The following BBS9 variants were observed in gnomAD, a reference collection of about 807,000 sequenced individuals.
The protein encoded by BBS9 is Bardet-Biedl syndrome 9.
Under a neutral mutation model 117.7 loss-of-function variants are expected in BBS9, and 89 were observed. That is an observed-to-expected ratio of 0.76 (90% CI 0.64 to 0.90). The LOEUF (loss-of-function observed/expected upper bound fraction) is 0.90. Ranked by LOEUF, BBS9 falls within the 40% of genes least tolerant of loss-of-function variation. The pLI is 0.00. For missense variants in BBS9, 982 were observed against 1,042.2 expected (o/e 0.94, Z 0.80); for synonymous variants, 379 against 370.9 (o/e 1.02, Z -0.25).
intron 21 of BBS9, among the ~76,000 whole-genome samples, chr7:33,569,638 T>C (rs143764803): frequency 0.021 from 3,144 of 150,776 alleles, 65 homozygotes; most frequent in South Asian, 0.1. Flanking sequence ...GGCTGGCGCC[T>C]ATAGTCCTAG....
At chr7:33,135,755 T>C (rs1790360510) in intron 1 of BBS9, among the ~76,000 whole-genome samples, 1 of 152,204 alleles carries the variant, frequency 6.6e-6, no homozygotes, top group Non-Finnish European at 1.5e-5. Flanking sequence ...ATTGAATCTG[T>C]AGATTGATTT....
chr7:33,623,179 C>T (rs140026723), intron 21 of BBS9, among the ~76,000 whole-genome samples: 2 of 152,108 alleles, frequency 1.3e-5, no homozygotes, highest in East Asian at 3.9e-4. Flanking sequence ...TTTAGAGTGT[C>T]TAAGGAACCT....
intron 21 of BBS9, among the ~76,000 whole-genome samples, chr7:33,562,927 GA>G (rs958282280): frequency 1.4e-5 from 2 of 147,710 alleles, no homozygotes; most frequent in Non-Finnish European, 3.0e-5. Flanking sequence ...CATCTCAAAA[GA>G]AAAAAAAAGA....
At position 33,605,192 on chromosome 7, in the gene BBS9, C is replaced by T. The variant is rs1422030068; in HGVS notation, c.2633-3C>T. The T allele has an allele frequency of 6.2e-7, 1 of 1,610,878 alleles. No individual in the cohort carries two copies. The highest frequency in any genetic ancestry group is 8.5e-7 in the Non-Finnish European group (1 of 1,177,402). On this transcript the variant is annotated splice_region_variant and splice_polypyrimidine_tract_variant and intron_variant, in intron 22 of 22. Coordinates refer to ENST00000242067, the MANE Select transcript of BBS9 (RefSeq NM_198428.3). ...CTTTCTCTCTTACTCTCTTTTTTTC[C>T]AGAAGTTTCACCCCTCCAAGGAGTC... is the stretch of plus-strand genomic sequence containing the variant.
At chr7:33,194,650 A>G (rs779288152) in intron 5 of BBS9, among the ~76,000 whole-genome samples, 2 of 152,128 alleles carry the variant, frequency 1.3e-5, no homozygotes, top group Non-Finnish European at 2.9e-5. Flanking sequence ...ATTTCATTGT[A>G]TTTGATGTGA....
intron 5 of BBS9, among the ~76,000 whole-genome samples, chr7:33,207,792 G>A (rs747949432): frequency 1.3e-5 from 2 of 151,632 alleles, no homozygotes; most frequent in South Asian, 4.2e-4. Flanking sequence ...ACATAAATGT[G>A]TACACTTACA....
At chr7:33,457,119 T>TA (rs1838766929) in intron 19 of BBS9, among the ~76,000 whole-genome samples, 1 of 152,200 alleles carries the variant, frequency 6.6e-6, no homozygotes, top group South Asian at 2.1e-4. Context: ...GTTTACCCTT[T>TA]TGCCCTCTTC....
At chr7:33,337,905 CT>C (rs1234827110) in intron 10 of BBS9, among the ~76,000 whole-genome samples, 1 of 151,786 alleles carries the variant, frequency 6.6e-6, no homozygotes, top group Non-Finnish European at 1.5e-5. Flanking sequence ...AGATTTTGCC[CT>C]TTCCATAGTA....
intron 9 of BBS9, 62 bp from the exon 10 acceptor site, chr7:33,336,379 T>C: frequency 7.7e-7 from 1 of 1,293,496 alleles, no homozygotes. Context: ...AAAAATGTAG[T>C]TGGTCAAGAC....
chr7:33,301,499 A>G (rs540920307), intron 9 of BBS9, among the ~76,000 whole-genome samples: 27 of 152,106 alleles, frequency 1.8e-4, no homozygotes, highest in Non-Finnish European at 3.2e-4. Context: ...AGCTCCCACA[A>G]ATAAGTGAGA....
chr7:33,351,150 A>C, intron 13 of BBS9, 69 bp from the exon 14 acceptor site: 1 of 1,057,342 alleles, frequency 9.5e-7, no homozygotes, highest in East Asian at 2.4e-5. Flanking sequence ...GTGCTTATTA[A>C]ATTTTAACTG....
At chr7:33,600,890 C>A (rs1863694143) in intron 21 of BBS9, among the ~76,000 whole-genome samples, 1 of 152,200 alleles carries the variant, frequency 6.6e-6, no homozygotes, top group Non-Finnish European at 1.5e-5. Flanking sequence ...TCTCTCAGTT[C>A]CGTCTCTTCA....
chr7:33,404,054 C>T lies in BBS9; in HGVS notation c.2115+15910C>T, dbSNP rs559803675. Reference sequence around the variant, plus strand: ...CTCATTGTGGTTTTGTTTGAGCTTTCTACATATGGCTAGCCAGTTTTCCCA... The same window carrying T: ...CTCATTGTGGTTTTGTTTGAGCTTTTTACATATGGCTAGCCAGTTTTCCCA... On this transcript the variant is annotated intron_variant, in intron 19 of 22. Coordinates refer to ENST00000242067, the MANE Select transcript of BBS9 (RefSeq NM_198428.3). Among the ~76,000 whole-genome samples the T allele has an allele frequency of 2.6e-5, 4 of 152,236 alleles. No individual in the cohort carries two copies. The South Asian group carries it at 8.3e-4, about 32-fold the overall frequency.
At position 33,174,310 on chromosome 7, in the gene BBS9, G is replaced by A. The variant is rs145198331; in HGVS notation, c.329-3168G>A. Among the ~76,000 whole-genome samples the A allele has an allele frequency of 2.6e-4, 40 of 152,302 alleles. No homozygotes were observed. In the East Asian group the frequency reaches 7.3e-3, roughly 28 times the overall value. ...CGCTCAGCTCTCCTGGGGGTTGTTA[G>A]AACCTCTACTTTGGATCCCACTTCT... On this transcript the variant is annotated intron_variant, in intron 4 of 22. Coordinates refer to ENST00000242067, the MANE Select transcript of BBS9 (RefSeq NM_198428.3).
At chr7:33,350,364 TG>T (rs35663737) in intron 13 of BBS9, among the ~76,000 whole-genome samples, 68,591 of 151,944 alleles carry the variant, frequency 0.45, 15,717 homozygotes, top group Admixed American at 0.53. Context: ...ATTGAACTTT[TG>T]CTTGCATTTC....
intron 17 of BBS9, among the ~76,000 whole-genome samples, chr7:33,381,635 T>C (rs1825055958): frequency 1.3e-5 from 2 of 152,306 alleles, no homozygotes; most frequent in South Asian, 4.1e-4. Context: ...TTTACAAAAG[T>C]AAATATTTGG....
chr7:33,613,676 C>T (rs1864991872), intron 21 of BBS9, among the ~76,000 whole-genome samples: 1 of 151,832 alleles, frequency 6.6e-6, no homozygotes, highest in Non-Finnish European at 1.5e-5. Flanking sequence ...TTGCAACATA[C>T]ACGAAAAAAA....
chr7:33,382,459 CAAAAA>C (rs113930733), intron 17 of BBS9, among the ~76,000 whole-genome samples: 11 of 122,638 alleles, frequency 9.0e-5, no homozygotes, highest in Non-Finnish European at 8.7e-5. Context: ...GACCCTGTCT[CAAAAA>C]AAAAAAAAAA....
intron 5 of BBS9, among the ~76,000 whole-genome samples, chr7:33,249,591 C>T (rs1795920309): frequency 6.6e-6 from 1 of 151,924 alleles, no homozygotes; most frequent in Non-Finnish European, 1.5e-5. Context: ...AATTTGTTTC[C>T]AGATCTTACA....
Sources: allele counts gnomAD v4.1 joint callset (sites outside exome capture counted in the v4.1 genomes callset), GRCh38; gene constraint gnomAD v4.1.1; transcripts MANE v1.5; gene names NCBI Gene and HGNC (gene_info 2026-07-23, HGNC 2026-07-21).